The following LUC7L3 variants were observed in gnomAD, a reference collection of about 807,000 sequenced individuals.
LUC7L3 encodes the protein luc7-like protein 3.
LUC7L3 carries 6 observed loss-of-function variants against 66.8 expected under a neutral mutation model. The ratio of observed to expected loss-of-function variants is 0.09; its 90% CI spans 0.05 to 0.18. LUC7L3 has a LOEUF of 0.18. Among genes scored for constraint, LUC7L3 ranks in the 10% least tolerant of loss-of-function variants. The pLI is 1.00. For missense variants in LUC7L3, 341 were observed against 531.1 expected, an observed-to-expected ratio of 0.64 and a Z score of 3.52; for synonymous variants, 160 against 174.7, an observed-to-expected ratio of 0.92 and a Z score of 0.66.
intron 1 of LUC7L3, among the ~76,000 whole-genome samples, chr17:50,732,225 T>TC (rs1969653251): frequency 6.6e-6 from 1 of 152,150 alleles, no homozygotes; most frequent in Non-Finnish European, 1.5e-5. Flanking sequence ...AAAGTAGAAA[T>TC]CTTAGGGGCA....
intron 1 of LUC7L3, among the ~76,000 whole-genome samples, chr17:50,727,972 G>T (rs1416878301): frequency 1.3e-5 from 2 of 151,878 alleles, no homozygotes; most frequent in Non-Finnish European, 2.9e-5. Flanking sequence ...AATTAGCTGG[G>T]CGTGGTGTGG....
At chr17:50,719,887 G>A in intron 1 of LUC7L3, 56 bp downstream of exon 1, 1 of 1,497,992 alleles carries the variant, frequency 6.7e-7, no homozygotes, top group Non-Finnish European at 9.1e-7. Flanking sequence ...GGGAGCGGGC[G>A]CGGGCTGTGG....
intron 9 of LUC7L3, among the ~76,000 whole-genome samples, chr17:50,750,104 C>CT (rs1970909148): frequency 6.6e-6 from 1 of 151,946 alleles, no homozygotes; most frequent in South Asian, 2.1e-4. Context: ...TTTTTTTCAC[C>CT]TTTTGGGGTC....
At chr17:50,738,662 T>C (rs1970149423) in intron 2 of LUC7L3, among the ~76,000 whole-genome samples, 1 of 152,002 alleles carries the variant, frequency 6.6e-6, no homozygotes, top group African/African-American at 2.4e-5. Flanking sequence ...ATTAAGGAAA[T>C]TTACTGGAAT....
chr17:50,736,774 ATTC>A (rs1970011124), intron 1 of LUC7L3, 183 bp from the exon 2 acceptor site: 1 of 554,620 alleles, frequency 1.8e-6, no homozygotes, highest in Non-Finnish European at 3.2e-6. Context: ...CTGCAGATTT[ATTC>A]TTTTATCGAA....
chr17:50,733,898 T>A (rs561601815), intron 1 of LUC7L3, among the ~76,000 whole-genome samples: 19 of 152,228 alleles, frequency 1.2e-4, no homozygotes, highest in Non-Finnish European at 2.6e-4. Flanking sequence ...GGCATAATTG[T>A]TGCCACATCC....
At chr17:50,732,810 C>T (rs1969706802) in intron 1 of LUC7L3, among the ~76,000 whole-genome samples, 1 of 152,166 alleles carries the variant, frequency 6.6e-6, no homozygotes, top group Non-Finnish European at 1.5e-5. Flanking sequence ...GATCACAGCA[C>T]ACTGCCACCT....
chr17:50,750,906 G>C lies in LUC7L3; in HGVS notation c.*245G>C, dbSNP rs1970945332. 1 of 1,535,154 alleles carries C rather than the reference G, an allele frequency of 6.5e-7. No homozygotes were observed. The highest frequency in any genetic ancestry group is 2.0e-5 in the Admixed American group (1 of 50,826). On this transcript the variant is annotated 3_prime_UTR_variant, in exon 10 of 10. Transcript: ENST00000505658. ...AGCAGACTCGTGCCCCCATTAGTGT[G>C]CCTCTTTGGAAATTATCGCCCACAT... is the stretch of plus-strand genomic sequence containing the variant.
rs143971230 is a variant in LUC7L3 at position 50,751,106 on chromosome 17, G to A, written c.*445G>A. 30 of 1,443,580 alleles carry A rather than the reference G, an allele frequency of 2.1e-5. No individual in the cohort carries two copies. The African/African-American group carries it at 2.2e-4, about 10-fold the overall frequency. 89.4% of individuals were successfully genotyped at this position (1,443,580 alleles called of 1,614,324 possible). ...TATGCTTTAAAAACTTAAATATTTC[G>A]GAGGCACATGTTGGACTACTTTGTT... On this transcript the variant is annotated 3_prime_UTR_variant, in exon 10 of 10. Coordinates refer to ENST00000505658, the MANE Select transcript of LUC7L3 (RefSeq NM_016424.5).
chr17:50,734,082 CATT>C (rs1969821810), intron 1 of LUC7L3, among the ~76,000 whole-genome samples: 1 of 151,984 alleles, frequency 6.6e-6, no homozygotes, highest in Non-Finnish European at 1.5e-5. Context: ...TTTTTAAAAA[CATT>C]AGCTTTAGAT....
At position 50,740,473 on chromosome 17, in the gene LUC7L3, A is replaced by G. The variant is rs552422959; in HGVS notation, c.206+128A>G. The stretch of plus-strand genomic sequence containing the variant: ...AGAGAAGTCCAGTCAGTGGCTGGGG[A>G]TAGTAAGAAAGTTCTATAGCTTCAG... On this transcript the variant is annotated intron_variant, in intron 3 of 9. Transcript: ENST00000505658. The G allele has an allele frequency of 1.3e-3, 1,105 of 828,532 alleles. 3 individuals carry two copies. Among genetic ancestry groups the G allele is most frequent in the Admixed American group, 2.5e-3 (97 of 38,810 alleles). 51.3% of individuals were successfully genotyped at this position (828,532 alleles called of 1,614,324 possible).
intron 1 of LUC7L3, among the ~76,000 whole-genome samples, chr17:50,728,991 A>T (rs1369007664): frequency 1.3e-5 from 2 of 152,214 alleles, no homozygotes; most frequent in African/African-American, 4.8e-5. Context: ...TAACGTCGTT[A>T]ATGGGTTCTT....
chr17:50,728,926 G>C (rs1452106764), intron 1 of LUC7L3, among the ~76,000 whole-genome samples: 5 of 151,762 alleles, frequency 3.3e-5, no homozygotes, highest in African/African-American at 1.2e-4. Context: ...TATGTGTATG[G>C]CATTTGAGGT....
intron 2 of LUC7L3, among the ~76,000 whole-genome samples, chr17:50,737,896 T>C (rs1263708121): frequency 6.6e-6 from 1 of 152,146 alleles, no homozygotes; most frequent in Non-Finnish European, 1.5e-5. Context: ...TCAAGGATGG[T>C]ACATAACCAG....
At position 50,746,014 on chromosome 17, in the gene LUC7L3, A is replaced by G; in HGVS notation, c.977+11A>G. 6.3e-7 allele frequency: 1 copy of G among 1,589,548 alleles called. No homozygotes were observed. Among genetic ancestry groups the G allele is most frequent in the Non-Finnish European group, 8.5e-7 (1 of 1,173,064 alleles). ...AAGAAGGCGGAGCAGGTATATATAA[A>G]ACACCCTAAGACTGTCCAGCTCATA... On this transcript the variant is annotated intron_variant, in intron 8 of 9. Transcript: ENST00000505658.
At chr17:50,742,313 A>AT (rs942244638) in intron 5 of LUC7L3, among the ~76,000 whole-genome samples, 1 of 151,794 alleles carries the variant, frequency 6.6e-6, no homozygotes, top group Non-Finnish European at 1.5e-5. Flanking sequence ...AAATAGTCTC[A>AT]TTTTTTTCTT....
At chr17:50,722,720 A>G (rs981026561) in intron 1 of LUC7L3, 1 of 152,230 alleles carries the variant, frequency 6.6e-6, no homozygotes, top group African/African-American at 2.4e-5. Context: ...CTGTGATGCA[A>G]AATCATCGAC....
At chr17:50,730,700 G>A (rs1225725379) in intron 1 of LUC7L3, among the ~76,000 whole-genome samples, 1 of 152,000 alleles carries the variant, frequency 6.6e-6, no homozygotes, top group Non-Finnish European at 1.5e-5. Flanking sequence ...CAGCACTTTG[G>A]GAGGCTGAGG....
chr17:50,743,339 C>G (rs1299783505), intron 5 of LUC7L3, among the ~76,000 whole-genome samples: 2 of 152,080 alleles, frequency 1.3e-5, no homozygotes, highest in Non-Finnish European at 2.9e-5. Flanking sequence ...GCTGGGATTA[C>G]AGGTGCCCAC....
Sources: gnomAD v4.1 joint callset for allele counts (sites outside exome capture counted in the v4.1 genomes callset) on GRCh38, gnomAD v4.1.1 for gene constraint, MANE v1.5 for transcripts, NCBI Gene and HGNC (gene_info 2026-07-23, HGNC 2026-07-21) for gene names.